Variants in LYPD6 observed in about 807,000 individuals in gnomAD.
LYPD6 encodes LY6/PLAUR domain containing 6, also known as ly6/PLAUR domain-containing protein 6.
In LYPD6, 15 loss-of-function variants were observed where a neutral mutation model predicts 22.7. The observed-to-expected ratio is 0.66, with a 90% CI of 0.44 to 1.02. LYPD6 has a LOEUF of 1.02. Ranked by LOEUF, LYPD6 falls within the 50% of genes least tolerant of loss-of-function variation. The pLI is 0.00. For synonymous variants in LYPD6, 72 were observed against 77.5 expected, an observed-to-expected ratio of 0.93 and a Z score of 0.37; for missense variants, 189 against 208.4, an observed-to-expected ratio of 0.91 and a Z score of 0.57.
chr2:149,413,513 T>A (rs1027068896), intron 1 of LYPD6, among the ~76,000 whole-genome samples: 19 of 152,222 alleles, frequency 1.2e-4, no homozygotes, highest in African/African-American at 4.1e-4. Flanking sequence ...GTTGTTCATC[T>A]CCCACTTATT....
chr2:149,335,236 G>A (rs566161418), intron 1 of LYPD6, among the ~76,000 whole-genome samples: 10 of 151,996 alleles, frequency 6.6e-5, no homozygotes, highest in East Asian at 5.8e-4. Context: ...AGCTCCATGC[G>A]TGTTATTGCC....
At chr2:149,400,328 C>G (rs946987826) in intron 1 of LYPD6, among the ~76,000 whole-genome samples, 1 of 152,192 alleles carries the variant, frequency 6.6e-6, no homozygotes, top group Non-Finnish European at 1.5e-5. Context: ...ATCGATAGGT[C>G]GCACATGGCT....
At chr2:149,408,116 G>A (rs1041575900) in intron 1 of LYPD6, among the ~76,000 whole-genome samples, 25 of 152,110 alleles carry the variant, frequency 1.6e-4, no homozygotes, top group African/African-American at 5.1e-4. Flanking sequence ...AGGAGTACCC[G>A]GCCGTGTGAG....
intron 1 of LYPD6, among the ~76,000 whole-genome samples, chr2:149,422,367 C>T (rs368755512): frequency 6.6e-6 from 1 of 152,168 alleles, no homozygotes; most frequent in South Asian, 2.1e-4. Flanking sequence ...TACCACACTG[C>T]TTTCGATGCA....
At chr2:149,354,627 T>A (rs2105062061) in intron 1 of LYPD6, among the ~76,000 whole-genome samples, 1 of 152,300 alleles carries the variant, frequency 6.6e-6, no homozygotes, top group South Asian at 2.1e-4. Flanking sequence ...TAATTTGTAT[T>A]AAGGAATGCA....
At chr2:149,455,990 G>C (rs937193902) in intron 3 of LYPD6, among the ~76,000 whole-genome samples, 12 of 152,222 alleles carry the variant, frequency 7.9e-5, no homozygotes, top group African/African-American at 2.9e-4. Flanking sequence ...TTGTGATTCA[G>C]TCAGTTTGAT....
chr2:149,424,090 C>A (rs1374228367), intron 1 of LYPD6, among the ~76,000 whole-genome samples: 2 of 151,744 alleles, frequency 1.3e-5, no homozygotes, highest in African/African-American at 4.9e-5. Flanking sequence ...AAATTCTTTT[C>A]TTCTTCCAAG....
chr2:149,408,782 C>T (rs1178454681), intron 1 of LYPD6, among the ~76,000 whole-genome samples: 1 of 152,136 alleles, frequency 6.6e-6, no homozygotes, highest in East Asian at 1.9e-4. Flanking sequence ...TTATGCTCTT[C>T]AATTTCACTG....
At position 149,472,463 on chromosome 2, in the gene LYPD6, G is replaced by A. The variant is rs1306433508; in HGVS notation, c.*1613G>A. On this transcript the variant is annotated 3_prime_UTR_variant, in exon 5 of 5. Coordinates refer to ENST00000334166, the MANE Select transcript of LYPD6 (RefSeq NM_194317.5). ...AGGACAGTGTTGTCAGGGTCCATCT[G>A]CCCTCCATAGAAAAATGTCTCTGGC... The A allele has an allele frequency of 6.6e-6, 1 of 152,584 alleles. No homozygotes were observed. Among genetic ancestry groups the A allele is most frequent in the Non-Finnish European group, 1.5e-5 (1 of 68,032 alleles). 9.5% of individuals were successfully genotyped at this position (152,584 alleles called of 1,614,324 possible).
intron 1 of LYPD6, among the ~76,000 whole-genome samples, chr2:149,335,754 C>T (rs576736402): frequency 6.6e-6 from 1 of 152,000 alleles, no homozygotes; most frequent in Non-Finnish European, 1.5e-5. Flanking sequence ...TCTTTTATAC[C>T]GTATTTTTAT....
chr2:149,422,395 C>CA (rs2105133890), intron 1 of LYPD6, among the ~76,000 whole-genome samples: 1 of 152,238 alleles, frequency 6.6e-6, no homozygotes, highest in African/African-American at 2.4e-5. Flanking sequence ...TTCTCCTTCA[C>CA]AGTAAGCCTA....
Position 149,403,961 on chromosome 2 carries a change from T to C in LYPD6, c.-71-33677T>C, listed in dbSNP as rs565753017. On this transcript the variant is annotated intron_variant, in intron 1 of 4. Transcript: ENST00000334166. ...CAGCTTTCTACACATGGCTAACCAG[T>C]TTTCCCAGCACCATTTATTAAATAG... Among the ~76,000 whole-genome samples the C allele has an allele frequency of 1.6e-4, 24 of 152,302 alleles. No homozygotes were observed. In the East Asian group the frequency reaches 4.6e-3, roughly 29 times the overall value.
At chr2:149,453,912 G>A (rs1326502009) in intron 3 of LYPD6, among the ~76,000 whole-genome samples, 1 of 151,994 alleles carries the variant, frequency 6.6e-6, no homozygotes, top group Non-Finnish European at 1.5e-5. Flanking sequence ...GGGACCCAAC[G>A]CCTTGCAATT....
chr2:149,366,933 A>T (rs1399027577), intron 1 of LYPD6, among the ~76,000 whole-genome samples: 1 of 152,216 alleles, frequency 6.6e-6, no homozygotes, highest in Non-Finnish European at 1.5e-5. Flanking sequence ...AGCTTTTAGA[A>T]TACGAAAATG....
intron 1 of LYPD6, among the ~76,000 whole-genome samples, chr2:149,430,291 G>C (rs1027548916): frequency 1.2e-4 from 19 of 152,002 alleles, no homozygotes; most frequent in African/African-American, 4.4e-4. Context: ...GTAGAGATGG[G>C]GTTTTACCAT....
intron 2 of LYPD6, among the ~76,000 whole-genome samples, chr2:149,441,793 T>C (rs996999768): frequency 6.6e-6 from 1 of 152,168 alleles, no homozygotes; most frequent in African/African-American, 2.4e-5. Flanking sequence ...ATAGCAGAGT[T>C]TAATATACTA....
intron 3 of LYPD6, among the ~76,000 whole-genome samples, chr2:149,454,076 T>G (rs996617701): frequency 3.9e-5 from 6 of 152,204 alleles, no homozygotes; most frequent in Non-Finnish European, 1.5e-5. Context: ...CTGGCTGCTA[T>G]GTAATAAGAT....
At chr2:149,392,139 A>G (rs1013032447) in intron 1 of LYPD6, among the ~76,000 whole-genome samples, 2 of 152,106 alleles carry the variant, frequency 1.3e-5, no homozygotes, top group East Asian at 3.9e-4. Context: ...ACCAAGTTCC[A>G]TGGTGCCCCT....
At chr2:149,364,723 T>C (rs903818184) in intron 1 of LYPD6, among the ~76,000 whole-genome samples, 2 of 152,052 alleles carry the variant, frequency 1.3e-5, no homozygotes, top group African/African-American at 4.8e-5. Flanking sequence ...ACTTAAAACA[T>C]TAAAATCAAA....
Sources: gnomAD v4.1 joint callset for allele counts (sites outside exome capture counted in the v4.1 genomes callset) on GRCh38, gnomAD v4.1.1 for gene constraint, MANE v1.5 for transcripts, NCBI Gene and HGNC (gene_info 2026-07-23, HGNC 2026-07-21) for gene names.